Variants in KCNIP4 observed in about 807,000 individuals in gnomAD.
KCNIP4 encodes potassium voltage-gated channel interacting protein 4.
A neutral mutation model predicts 34.0 loss-of-function variants in KCNIP4; 12 were observed. The ratio of observed to expected loss-of-function variants is 0.35; its 90% CI spans 0.23 to 0.57. The LOEUF (loss-of-function observed/expected upper bound fraction) is 0.57. Ranked by LOEUF, KCNIP4 falls within the 20% of genes least tolerant of loss-of-function variation. The probability of loss-of-function intolerance (pLI) is 0.83; values close to 1 mark genes in which losing one functional copy is unlikely to be tolerated. For synonymous variants in KCNIP4, 124 were observed against 102.2 expected (o/e 1.21, Z -1.29); for missense variants, 238 against 311.7 (o/e 0.76, Z 1.78).
At chr4:20,749,224 G>A (rs931260312) in intron 5 of KCNIP4, among the ~76,000 whole-genome samples, 3 of 151,072 alleles carry the variant, frequency 2.0e-5, no homozygotes, top group Non-Finnish European at 2.9e-5. Context: ...AGATTTCCTC[G>A]TAGAATTGTC....
rs370406619 is a variant in KCNIP4, at chr4:21,948,617, C to T, written c.15G>A (p.Arg5=). ...CCAGCTGAGCCGAAATGCTTTCCAC[C>T]CTCCTCACATTCATGTCTAGGGACG... MNVR[R]VESISAQLEE... is the part of the protein sequence containing the mutation. The change falls in exon 1 of 9, where the codon AGG becomes AGA. Residue 5 remains arginine (R), a synonymous_variant. Transcript: ENST00000382152. The T allele has an allele frequency of 6.2e-7, 1 of 1,613,632 alleles. No individual in the cohort carries two copies. Among genetic ancestry groups the T allele is most frequent in the East Asian group, 2.2e-5 (1 of 44,838 alleles).
intron 1 of KCNIP4, among the ~76,000 whole-genome samples, chr4:21,787,263 G>T (rs1480573291): frequency 6.6e-6 from 1 of 152,158 alleles, no homozygotes; most frequent in African/African-American, 2.4e-5. Flanking sequence ...TTCTCATGAT[G>T]CATATGCAAT....
chr4:21,719,574 C>T (rs1714635668), intron 1 of KCNIP4, among the ~76,000 whole-genome samples: 1 of 152,056 alleles, frequency 6.6e-6, no homozygotes, highest in Non-Finnish European at 1.5e-5. Context: ...TCCAAGACTC[C>T]CTAGAAATCC....
intron 1 of KCNIP4, among the ~76,000 whole-genome samples, chr4:21,448,244 G>C (rs1463236688): frequency 6.6e-6 from 1 of 151,992 alleles, no homozygotes; most frequent in Admixed American, 6.6e-5. Context: ...GAAGTGAGGA[G>C]TACAATAGAG....
chr4:21,737,962 C>T (rs1308991989), intron 1 of KCNIP4, among the ~76,000 whole-genome samples: 1 of 151,754 alleles, frequency 6.6e-6, no homozygotes, highest in Non-Finnish European at 1.5e-5. Context: ...GGCATGGTGG[C>T]ACGCCTGTAG....
At chr4:21,840,614 T>C (rs1225476994) in intron 1 of KCNIP4, among the ~76,000 whole-genome samples, 1 of 152,130 alleles carries the variant, frequency 6.6e-6, no homozygotes, top group African/African-American at 2.4e-5. Flanking sequence ...CCTTGAATAA[T>C]ATGTTGGTGG....
Position 20,909,812 on chromosome 4 carries a change from C to G in KCNIP4, c.62-27103G>C, listed in dbSNP as rs146248663. Among the ~76,000 whole-genome samples, 14 of 152,180 alleles carry G rather than the reference C, an allele frequency of 9.2e-5. 1 individual carries two copies. The East Asian group carries it at 2.3e-3, about 25-fold the overall frequency. On this transcript the variant is annotated intron_variant, in intron 1 of 8. Transcript: ENST00000382152. ...GTGAAGGCTTATGCTTTTGTGATGA[C>G]AGTCATGACTAGTACATCCTTCTCT...
chr4:21,303,982 A>G, intron 1 of KCNIP4: 1 of 1,463,548 alleles, frequency 6.8e-7, no homozygotes, highest in South Asian at 1.2e-5. Flanking sequence ...AAGCCATTAA[A>G]CTACATTAAG....
chr4:21,847,368 A>C (rs1724086013), intron 1 of KCNIP4: 1 of 152,166 alleles, frequency 6.6e-6, no homozygotes, highest in African/African-American at 2.4e-5. Flanking sequence ...ATGTTATGGC[A>C]GATGTACTTT....
intron 2 of KCNIP4, 126 bp from the exon 3 acceptor site, chr4:20,850,793 T>A (rs1720935900): frequency 1.9e-6 from 2 of 1,079,860 alleles, no homozygotes; most frequent in Admixed American, 5.7e-5. Flanking sequence ...GGAAGGACCC[T>A]CACAATGCCT....
intron 1 of KCNIP4, among the ~76,000 whole-genome samples, chr4:21,500,307 C>G (rs1163851436): frequency 1.3e-5 from 2 of 152,098 alleles, no homozygotes; most frequent in East Asian, 1.9e-4. Context: ...CACCTTAAAA[C>G]TGGGTTTTTA....
intron 1 of KCNIP4, among the ~76,000 whole-genome samples, chr4:21,103,732 C>A (rs1748187187): frequency 7.9e-6 from 1 of 126,216 alleles, no homozygotes; most frequent in Non-Finnish European, 1.6e-5. Context: ...TATCCCTCCC[C>A]CCTCCCCCCA....
chr4:21,568,974 T>C (rs1740138257), intron 1 of KCNIP4, among the ~76,000 whole-genome samples: 1 of 151,762 alleles, frequency 6.6e-6, no homozygotes, highest in Non-Finnish European at 1.5e-5. Flanking sequence ...TCAAAAATGG[T>C]CAATAAACCA....
At chr4:20,914,856 C>G (rs144582712) in intron 1 of KCNIP4, among the ~76,000 whole-genome samples, 77 of 152,294 alleles carry the variant, frequency 5.1e-4, no homozygotes, top group African/African-American at 1.8e-3. Context: ...CAATCTGCTT[C>G]TTCTAAAATA....
chr4:21,924,312 C>T (rs1025177910), intron 1 of KCNIP4, among the ~76,000 whole-genome samples: 3 of 142,236 alleles, frequency 2.1e-5, no homozygotes, highest in South Asian at 2.3e-4. Flanking sequence ...GGTGTGATCT[C>T]GGCTCACCGC....
chr4:21,829,121 T>A (rs1027845732), intron 1 of KCNIP4, among the ~76,000 whole-genome samples: 1 of 151,988 alleles, frequency 6.6e-6, no homozygotes, highest in African/African-American at 2.4e-5. Flanking sequence ...TGACTTACCA[T>A]TTTTTTACTT....
chr4:21,399,390 G>C (rs577309033), intron 1 of KCNIP4, among the ~76,000 whole-genome samples: 2 of 152,328 alleles, frequency 1.3e-5, no homozygotes, highest in South Asian at 4.1e-4. Context: ...CTAGCACCAC[G>C]TGAAGCCAGA....
rs115689176 is a variant in KCNIP4 at position 21,915,149 on chromosome 4, T to C, written c.61+33422A>G. 7.3e-3 allele frequency among the ~76,000 whole-genome samples: 1,107 copies of C among 152,290 alleles called. 13 individuals carry two copies. The highest frequency in any genetic ancestry group is 0.025 in the African/African-American group (1,048 of 41,556). On this transcript the variant is annotated intron_variant, in intron 1 of 8. Transcript: ENST00000382152. ...AAGGACACTGCTGTAACTACTCAAC[T>C]CTGCTGTTATAAACATAAAGCTGCC...
intron 2 of KCNIP4, among the ~76,000 whole-genome samples, chr4:20,866,362 T>C (rs1577280342): frequency 6.6e-6 from 1 of 152,160 alleles, no homozygotes; most frequent in East Asian, 1.9e-4. Flanking sequence ...CATATGCAAA[T>C]CAATAAATGT....
Sources: gnomAD v4.1 joint callset for allele counts (sites outside exome capture counted in the v4.1 genomes callset) on GRCh38, gnomAD v4.1.1 for gene constraint, MANE v1.5 for transcripts, NCBI Gene and HGNC (gene_info 2026-07-23, HGNC 2026-07-21) for gene names.